The following SLC68A1 variants were observed in gnomAD, a reference collection of about 807,000 sequenced individuals.
SLC68A1 encodes major facilitator superfamily domain containing 13A.
the SLC68A1 span, among the ~76,000 whole-genome samples, chr10:102,474,561 T>C: frequency 6.6e-6 from 1 of 152,016 alleles, no homozygotes; most frequent in South Asian, 2.1e-4. Context: ...TCAGGGGTGA[T>C]TAGGAAATGT....
the SLC68A1 span, chr10:102,468,264 C>T: frequency 6.6e-6 from 1 of 152,176 alleles, no homozygotes; most frequent in East Asian, 1.9e-4. Context: ...ATAGGCCTAA[C>T]AATCTCCTTT....
chr10:102,473,477 G>C, the SLC68A1 span: 4 of 1,282,620 alleles, frequency 3.1e-6, no homozygotes. Context: ...TGCATCGCTA[G>C]TGTACAGGAA....
chr10:102,470,830 G>A, the SLC68A1 span: 12,242 of 1,613,584 alleles, frequency 7.6e-3, 69 homozygotes, highest in Non-Finnish European at 9.4e-3. Context: ...GCTTCCTGAC[G>A]CTCGTGGACC....
the SLC68A1 span, among the ~76,000 whole-genome samples, chr10:102,472,529 G>T: frequency 6.6e-6 from 1 of 152,134 alleles, no homozygotes; most frequent in Admixed American, 6.5e-5. Context: ...CTCCCAAAGT[G>T]CTAAGGTGCT....
the SLC68A1 span, chr10:102,470,576 T>C: frequency 2.0e-6 from 3 of 1,537,680 alleles, no homozygotes; most frequent in South Asian, 3.8e-5. Flanking sequence ...ACCCTGGGCC[T>C]CCATCCCTCC....
At chr10:102,471,201 G>A in the SLC68A1 span, 2 of 1,600,900 alleles carry the variant, frequency 1.2e-6, no homozygotes, top group South Asian at 1.1e-5. Context: ...GCTGATGGGG[G>A]CTGCCCTGGG....
the SLC68A1 span, chr10:102,465,927 G>A: frequency 6.6e-6 from 1 of 152,334 alleles, no homozygotes; most frequent in African/African-American, 2.4e-5. Flanking sequence ...CAGGGGGCCG[G>A]GGGCAGTTTG....
chr10:102,468,466 A>G, the SLC68A1 span: 1 of 152,752 alleles, frequency 6.5e-6, no homozygotes, highest in African/African-American at 2.4e-5. Context: ...AGGTCAGGAG[A>G]TCGAGACCAT....
chr10:102,471,221 G>A, the SLC68A1 span: 8 of 1,601,924 alleles, frequency 5.0e-6, no homozygotes, highest in African/African-American at 1.1e-4. Flanking sequence ...GATGTGTTGG[G>A]GGATAACTCT....
At chr10:102,470,051 G>A in the SLC68A1 span, 26 of 1,613,884 alleles carry the variant, frequency 1.6e-5, no homozygotes, top group South Asian at 2.1e-4. Flanking sequence ...CTCAGTGACC[G>A]GCAGTTCCTC....
chr10:102,469,120 A>C, the SLC68A1 span: 1 of 1,614,174 alleles, frequency 6.2e-7, no homozygotes, highest in Non-Finnish European at 8.5e-7. Context: ...CATCCTGCAC[A>C]ATGTCTTCCT....
the SLC68A1 span, chr10:102,470,944 CTT>C: frequency 6.2e-7 from 1 of 1,613,416 alleles, no homozygotes; most frequent in Non-Finnish European, 8.5e-7. Context: ...CCCTCTCTGT[CTT>C]TGCATCCTAT....
At chr10:102,475,706 T>G in the SLC68A1 span, 1 of 1,567,992 alleles carries the variant, frequency 6.4e-7, no homozygotes, top group Admixed American at 1.8e-5. Flanking sequence ...GGTCTTTCTG[T>G]GCTCTCTTGT....
At chr10:102,472,896 C>G in the SLC68A1 span, 1 of 1,614,182 alleles carries the variant, frequency 6.2e-7, no homozygotes, top group Admixed American at 1.7e-5. Flanking sequence ...CCCTCTCTTC[C>G]TGGAGCATCT....
chr10:102,467,253 C>A, the SLC68A1 span, among the ~76,000 whole-genome samples: 1 of 152,192 alleles, frequency 6.6e-6, no homozygotes, highest in Admixed American at 6.5e-5. Context: ...CCAGACTGGT[C>A]TCAAATTCCT....
the SLC68A1 span, chr10:102,473,749 C>T: frequency 1.2e-5 from 19 of 1,610,656 alleles, no homozygotes; most frequent in Non-Finnish European, 1.6e-5. Context: ...CAGGTATGCC[C>T]CTGCCCACGC....
At chr10:102,469,045 C>T in the SLC68A1 span, 4 of 1,613,102 alleles carry the variant, frequency 2.5e-6, no homozygotes, top group South Asian at 3.3e-5. Context: ...GCTGGGTCAG[C>T]CCCAGGCCTG....
At chr10:102,465,299 C>T in the SLC68A1 span, among the ~76,000 whole-genome samples, 1 of 151,766 alleles carries the variant, frequency 6.6e-6, no homozygotes, top group Non-Finnish European at 1.5e-5. Context: ...GTGGCAGGCG[C>T]CTGTAATCCC....
the SLC68A1 span, chr10:102,475,583 G>A: frequency 1.0e-6 from 1 of 952,942 alleles, no homozygotes; most frequent in Non-Finnish European, 1.5e-6. Context: ...AGTAGGAGAG[G>A]AGTGGGTTTG....
Sources: allele counts gnomAD v4.1 joint callset (sites outside exome capture counted in the v4.1 genomes callset), GRCh38; gene constraint gnomAD v4.1.1; transcripts MANE v1.5; gene names NCBI Gene and HGNC (gene_info 2026-07-23, HGNC 2026-07-21).